VPS41: variants seen among roughly 807,000 people sequenced by gnomAD.
VPS41 encodes VPS41 subunit of HOPS complex.
VPS41 carries 85 observed loss-of-function variants against 130.9 expected under a neutral mutation model. That is an observed-to-expected ratio of 0.65 (90% CI 0.55 to 0.78). The LOEUF is 0.78. Ranked by LOEUF, VPS41 falls within the 30% of genes least tolerant of loss-of-function variation. The pLI, the probability that VPS41 is intolerant of heterozygous loss-of-function variation, is 0.00. For missense variants in VPS41, 874 were observed against 1,018.7 expected (o/e 0.86, Z 1.93); for synonymous variants, 335 against 332.9 (o/e 1.01, Z -0.07).
At chr7:38,754,801 C>T in intron 20 of VPS41, 49 bp from the exon 21 acceptor site, 1 of 1,591,992 alleles carries the variant, frequency 6.3e-7, no homozygotes, top group Non-Finnish European at 8.6e-7. Context: ...GACAGAAAGA[C>T]AGCTACAAAA....
At chr7:38,771,110 A>G in intron 14 of VPS41, 88 bp downstream of exon 14, 1 of 966,146 alleles carries the variant, frequency 1.0e-6, no homozygotes, top group South Asian at 1.5e-5. Flanking sequence ...AAAGATAGGA[A>G]AAACCTGTTC....
intron 5 of VPS41, among the ~76,000 whole-genome samples, chr7:38,822,916 T>A (rs1785204871): frequency 6.6e-6 from 1 of 152,226 alleles, no homozygotes. Flanking sequence ...TAACAAATAG[T>A]ACTAGAGCCA....
chr7:38,821,008 AGACT>A (rs1051404393), intron 6 of VPS41, among the ~76,000 whole-genome samples, 191 bp downstream of exon 6: 4 of 152,144 alleles, frequency 2.6e-5, no homozygotes, highest in African/African-American at 9.7e-5. Context: ...CCCTGAAGAC[AGACT>A]GAGATCACAG....
chr7:38,814,629 G>A (rs962999905), intron 7 of VPS41, among the ~76,000 whole-genome samples: 5 of 151,972 alleles, frequency 3.3e-5, no homozygotes, highest in Non-Finnish European at 7.4e-5. Flanking sequence ...TAGCCTGGGC[G>A]ACAGAGCAAA....
At chr7:38,761,075 A>G (rs4723787) in intron 17 of VPS41, among the ~76,000 whole-genome samples, 136,122 of 152,050 alleles carry the variant, frequency 0.9, 61,007 homozygotes, top group East Asian at 0.99. Flanking sequence ...TTGGGAATGG[A>G]TTCAATCAGA....
chr7:38,742,687 T>C (rs1008505142), intron 24 of VPS41, among the ~76,000 whole-genome samples: 2 of 151,798 alleles, frequency 1.3e-5, no homozygotes, highest in African/African-American at 4.8e-5. Context: ...ATTCTTTATA[T>C]TGTCAAGAGG....
At chr7:38,844,513 T>C (rs574649842) in intron 4 of VPS41, among the ~76,000 whole-genome samples, 1 of 152,044 alleles carries the variant, frequency 6.6e-6, no homozygotes, top group Non-Finnish European at 1.5e-5. Flanking sequence ...AACTTTAACA[T>C]CTTGGAAATA....
Position 38,737,009 on chromosome 7 carries a change from G to A in VPS41, c.2259+4976C>T, listed in dbSNP as rs143549050. Among the ~76,000 whole-genome samples, 32 of 152,262 alleles carry A rather than the reference G, an allele frequency of 2.1e-4. No individual in the cohort carries two copies. The East Asian group carries it at 6.0e-3, about 28-fold the overall frequency. On this transcript the variant is annotated intron_variant, in intron 25 of 28. Transcript: ENST00000310301. Reference sequence around the variant, plus strand: ...ACATTCGCACCACTTTTGAAAGTTGGTGGAAAAGGAAGTTGGGCAATGCCT... The same window carrying A: ...ACATTCGCACCACTTTTGAAAGTTGATGGAAAAGGAAGTTGGGCAATGCCT...
chr7:38,865,793 T>C (rs560632837), intron 3 of VPS41, among the ~76,000 whole-genome samples: 1 of 152,064 alleles, frequency 6.6e-6, no homozygotes, highest in African/African-American at 2.4e-5. Flanking sequence ...AGACAGGTGA[T>C]AAGGTTGGAA....
At chr7:38,758,301 A>C (rs1783844611) in intron 18 of VPS41, 53 bp downstream of exon 18, 2 of 1,533,630 alleles carry the variant, frequency 1.3e-6, no homozygotes, top group Admixed American at 2.2e-5. Context: ...TAAAGTATGA[A>C]AAACTTTTCA....
At chr7:38,832,182 G>A (rs1258607872) in intron 4 of VPS41, among the ~76,000 whole-genome samples, 1 of 151,520 alleles carries the variant, frequency 6.6e-6, no homozygotes, top group African/African-American at 2.4e-5. Context: ...ATCTATAAGA[G>A]CTCTTTTCTA....
At chr7:38,873,462 G>A (rs1233792948) in intron 2 of VPS41, among the ~76,000 whole-genome samples, 1 of 132,884 alleles carries the variant, frequency 7.5e-6, no homozygotes, top group African/African-American at 3.4e-5. Context: ...ATAGAAAAAA[G>A]GTTTTCATGC....
chr7:38,808,994 A>G (rs145049892), intron 7 of VPS41, among the ~76,000 whole-genome samples: 1 of 152,326 alleles, frequency 6.6e-6, no homozygotes, highest in African/African-American at 2.4e-5. Context: ...GATCTAATGT[A>G]CGCTATGGTT....
chr7:38,797,000 G>T, intron 7 of VPS41, 136 bp from the exon 8 acceptor site: 1 of 944,436 alleles, frequency 1.1e-6, no homozygotes, highest in Non-Finnish European at 1.6e-6. Flanking sequence ...TAGACTTACA[G>T]TAGTATGTTA....
chr7:38,875,030 A>G (rs1381740442), intron 2 of VPS41, among the ~76,000 whole-genome samples: 2 of 152,214 alleles, frequency 1.3e-5, no homozygotes, highest in Non-Finnish European at 2.9e-5. Context: ...GAGAGAATAG[A>G]AAGATAAAAC....
At chr7:38,862,503 C>T in intron 4 of VPS41, 42 bp downstream of exon 4, 1 of 1,225,414 alleles carries the variant, frequency 8.2e-7, no homozygotes, top group Non-Finnish European at 1.2e-6. Context: ...AAATACTTAA[C>T]ATGAAGTTTA....
At chr7:38,773,965 A>T in intron 12 of VPS41, 150 bp downstream of exon 12, 1 of 717,536 alleles carries the variant, frequency 1.4e-6, no homozygotes, top group Non-Finnish European at 2.1e-6. Context: ...CTCTGCATCC[A>T]AATGTCCTTG....
At chr7:38,748,775 T>A (rs1239870957) in intron 22 of VPS41, among the ~76,000 whole-genome samples, 1 of 152,030 alleles carries the variant, frequency 6.6e-6, no homozygotes, top group Non-Finnish European at 1.5e-5. Context: ...TTTTTAAACC[T>A]GAAAATGATT....
chr7:38,875,056 T>C (rs1786458559), intron 2 of VPS41, among the ~76,000 whole-genome samples: 1 of 152,118 alleles, frequency 6.6e-6, no homozygotes, highest in Admixed American at 6.5e-5. Context: ...TGGTACCAAA[T>C]ACAAATAAAT....
Sources: allele counts gnomAD v4.1 joint callset (sites outside exome capture counted in the v4.1 genomes callset), GRCh38; gene constraint gnomAD v4.1.1; transcripts MANE v1.5; gene names NCBI Gene and HGNC (gene_info 2026-07-23, HGNC 2026-07-21).